Variants in DIS3L2 observed in about 807,000 individuals in gnomAD.
The protein encoded by DIS3L2 is DIS3 like 3'-5' exoribonuclease 2.
A neutral mutation model predicts 97.5 loss-of-function variants in DIS3L2; 34 were observed. The ratio of observed to expected loss-of-function variants is 0.35; its 90% CI spans 0.27 to 0.46. DIS3L2 has a LOEUF of 0.46. DIS3L2 is among the 20% of genes least tolerant of loss of function. The probability of loss-of-function intolerance (pLI) is 1.00; values close to 1 mark genes in which losing one functional copy is unlikely to be tolerated. For missense variants in DIS3L2, 1,038 were observed against 1,146.0 expected (o/e 0.91, Z 1.36); for synonymous variants, 435 against 445.2 (o/e 0.98, Z 0.29).
intron 8 of DIS3L2, among the ~76,000 whole-genome samples, chr2:232,143,419 AGTG>A (rs961797709): frequency 1.3e-5 from 2 of 152,162 alleles, no homozygotes; most frequent in African/African-American, 4.8e-5. Context: ...GAAAAATTGA[AGTG>A]GTGATCATTA....
intron 2 of DIS3L2, 107 bp downstream of exon 2, chr2:232,015,086 CTT>C: frequency 9.7e-7 from 1 of 1,035,886 alleles, no homozygotes; most frequent in Non-Finnish European, 1.4e-6. Flanking sequence ...TACTATAATT[CTT>C]TTAGTGACCT....
At chr2:232,197,130 C>T (rs1046934984) in intron 9 of DIS3L2, among the ~76,000 whole-genome samples, 1 of 152,076 alleles carries the variant, frequency 6.6e-6, no homozygotes, top group African/African-American at 2.4e-5. Flanking sequence ...TACATTGTTC[C>T]TCAAATAGAA....
intron 5 of DIS3L2, among the ~76,000 whole-genome samples, chr2:232,085,399 C>A (rs1696544564): frequency 6.6e-6 from 1 of 152,172 alleles, no homozygotes; most frequent in Non-Finnish European, 1.5e-5. Context: ...TTTGTCACCC[C>A]ACTAGGATGT....
intron 1 of DIS3L2, among the ~76,000 whole-genome samples, chr2:231,970,311 A>G (rs940161813): frequency 2.6e-5 from 4 of 152,160 alleles, no homozygotes; most frequent in African/African-American, 9.7e-5. Flanking sequence ...TTTGTTGCCT[A>G]ACAATGGAGA....
chr2:232,134,623 G>GAGACC (rs1407659655), intron 7 of DIS3L2, among the ~76,000 whole-genome samples: 1 of 152,148 alleles, frequency 6.6e-6, no homozygotes, highest in Non-Finnish European at 1.5e-5. Context: ...TCAGGAGTTT[G>GAGACC]AGACCAGCCT....
At chr2:232,187,958 G>C (rs777130380) in intron 9 of DIS3L2, among the ~76,000 whole-genome samples, 20 of 152,094 alleles carry the variant, frequency 1.3e-4, no homozygotes, top group Non-Finnish European at 2.8e-4. Context: ...CCAACATGGT[G>C]AAACTCCGTC....
At chr2:232,263,650 G>A (rs1310153674) in intron 13 of DIS3L2, among the ~76,000 whole-genome samples, 7 of 152,130 alleles carry the variant, frequency 4.6e-5, no homozygotes, top group Admixed American at 4.6e-4. Flanking sequence ...TATTTTGTAT[G>A]ATTCCACAGG....
intron 5 of DIS3L2, among the ~76,000 whole-genome samples, chr2:232,042,569 A>G (rs1312906896): frequency 6.6e-6 from 1 of 152,108 alleles, no homozygotes; most frequent in Admixed American, 6.6e-5. Context: ...GATTTTCCCA[A>G]GATTGTTATA....
intron 12 of DIS3L2, among the ~76,000 whole-genome samples, chr2:232,262,301 A>G (rs1398582740): frequency 6.6e-6 from 1 of 152,200 alleles, no homozygotes; most frequent in African/African-American, 2.4e-5. Flanking sequence ...CCTCAGACCT[A>G]GGAGTCCCCA....
At chr2:232,117,389 A>G (rs933830424) in intron 6 of DIS3L2, among the ~76,000 whole-genome samples, 1 of 152,200 alleles carries the variant, frequency 6.6e-6, no homozygotes, top group Non-Finnish European at 1.5e-5. Context: ...TGGTTACTTC[A>G]CAGGTTCTTA....
At chr2:232,301,382 A>G (rs1694851445) in intron 14 of DIS3L2, among the ~76,000 whole-genome samples, 1 of 152,198 alleles carries the variant, frequency 6.6e-6, no homozygotes, top group African/African-American at 2.4e-5. Context: ...CATTGTCTAA[A>G]TATCCAGGCT....
At chr2:232,330,941 G>A (rs370552828) in intron 16 of DIS3L2, among the ~76,000 whole-genome samples, 165 bp downstream of exon 16, 48 of 152,302 alleles carry the variant, frequency 3.2e-4, no homozygotes, top group African/African-American at 1.1e-3. Context: ...AGAGGAGGCC[G>A]ACCCCAGGCA....
At chr2:232,231,253 T>C (rs1692783921) in intron 10 of DIS3L2, among the ~76,000 whole-genome samples, 2 of 152,190 alleles carry the variant, frequency 1.3e-5, no homozygotes, top group African/African-American at 4.8e-5. Context: ...AAGTATTTGT[T>C]GTGTGGCTGA....
chr2:232,040,965 C>A (rs1695095322), intron 5 of DIS3L2, among the ~76,000 whole-genome samples: 2 of 152,166 alleles, frequency 1.3e-5, no homozygotes, highest in Non-Finnish European at 2.9e-5. Flanking sequence ...AAAATATATG[C>A]TTCAGCATTA....
intron 5 of DIS3L2, among the ~76,000 whole-genome samples, chr2:232,053,788 C>G (rs1463090417): frequency 2.6e-5 from 4 of 152,306 alleles, no homozygotes; most frequent in African/African-American, 9.6e-5. Flanking sequence ...TCCACCCTAC[C>G]AGCACCTCTC....
At chr2:232,074,747 G>A (rs1696134568) in intron 5 of DIS3L2, among the ~76,000 whole-genome samples, 1 of 151,920 alleles carries the variant, frequency 6.6e-6, no homozygotes, top group South Asian at 2.1e-4. Context: ...ACCATGCCTG[G>A]CTAATTTTTT....
At chr2:232,222,028 TG>T (rs1692522045) in intron 10 of DIS3L2, among the ~76,000 whole-genome samples, 1 of 150,694 alleles carries the variant, frequency 6.6e-6, no homozygotes, top group Non-Finnish European at 1.5e-5. Flanking sequence ...CTGCAACCTC[TG>T]CTTCCTGGTT....
chr2:232,344,099 C>G (rs1230828024), exon 14 of DIS3L2: 1 of 152,716 alleles, frequency 6.5e-6, no homozygotes, highest in East Asian at 1.9e-4. Context: ...ATACCTGATT[C>G]ACTGACTTGA....
chr2:232,329,785 T>TGCCGGGGGGGCCA, intron 14 of DIS3L2, 28 bp from the exon 15 acceptor site: 3 of 967,144 alleles, frequency 3.1e-6, no homozygotes, highest in East Asian at 3.1e-5. Context: ...ACCCCAGCGG[T>TGCCGGGGGGGCCA]CCCTCCCATC....
Sources: gnomAD v4.1 joint callset for allele counts (sites outside exome capture counted in the v4.1 genomes callset) on GRCh38, gnomAD v4.1.1 for gene constraint, MANE v1.5 for transcripts, NCBI Gene and HGNC (gene_info 2026-07-23, HGNC 2026-07-21) for gene names.